The following ATR variants were observed in gnomAD, a reference collection of about 807,000 sequenced individuals.
ATR encodes ATR checkpoint kinase, also known as serine/threonine-protein kinase ATR.
A neutral mutation model predicts 305.3 loss-of-function variants in ATR; 142 were observed. That is an observed-to-expected ratio of 0.47 (90% CI 0.41 to 0.53). The LOEUF (loss-of-function observed/expected upper bound fraction) is 0.53, where lower values mean the gene tolerates loss of function less well. Ranked by LOEUF, ATR falls within the 20% of genes least tolerant of loss-of-function variation. The probability of loss-of-function intolerance (pLI) is 0.00; values close to 1 mark genes in which losing one functional copy is unlikely to be tolerated. For missense variants in ATR, 2,135 were observed against 3,133.1 expected, an observed-to-expected ratio of 0.68 and a Z score of 7.60; for synonymous variants, 1,050 against 1,068.1, an observed-to-expected ratio of 0.98 and a Z score of 0.33.
rs534546574 is a variant in ATR at position 142,515,340 on chromosome 3, T to C, written c.4503+55A>G. 3.7e-6 allele frequency: 6 copies of C among 1,601,712 alleles called. No homozygotes were observed. In the African/African-American group the frequency reaches 8.0e-5, roughly 21 times the overall value. ...TGTGTGCTAGGCATTCAGATAGATG[T>C]TCTGGTTTCCTTTAGAATTTCCATT... is the stretch of plus-strand genomic sequence containing the variant. On this transcript the variant is annotated intron_variant, in intron 25 of 46. Coordinates refer to ENST00000350721, the MANE Select transcript of ATR (RefSeq NM_001184.4).
intron 25 of ATR, among the ~76,000 whole-genome samples, chr3:142,514,475 T>C (rs769273624): frequency 3.4e-5 from 5 of 149,050 alleles, no homozygotes; most frequent in Non-Finnish European, 7.4e-5. Flanking sequence ...ACTAAAAAAA[T>C]ACAAAAAAAT....
chr3:142,529,673 A>T (rs975230965), intron 21 of ATR, among the ~76,000 whole-genome samples: 20 of 152,118 alleles, frequency 1.3e-4, no homozygotes, highest in African/African-American at 4.8e-4. Context: ...CATACATGAT[A>T]CTCTAAGGAC....
At chr3:142,464,774 AG>A (rs1402801212) in intron 41 of ATR, among the ~76,000 whole-genome samples, 3 of 152,204 alleles carry the variant, frequency 2.0e-5, no homozygotes, top group African/African-American at 7.2e-5. Flanking sequence ...AGATGAAAAA[AG>A]TTTTGGAGAG....
At chr3:142,487,111 G>A (rs902663886) in intron 35 of ATR, among the ~76,000 whole-genome samples, 20 of 152,164 alleles carry the variant, frequency 1.3e-4, no homozygotes, top group African/African-American at 4.6e-4. Context: ...CAGCCTGAGC[G>A]ACAGAGCGAG....
intron 23 of ATR, among the ~76,000 whole-genome samples, chr3:142,520,995 G>T (rs2033125685): frequency 6.6e-6 from 1 of 152,086 alleles, no homozygotes; most frequent in African/African-American, 2.4e-5. Flanking sequence ...TAATGCAATT[G>T]GTGACTTTAA....
At chr3:142,494,832 T>C (rs2031491389) in intron 34 of ATR, among the ~76,000 whole-genome samples, 1 of 152,208 alleles carries the variant, frequency 6.6e-6, no homozygotes, top group Admixed American at 6.5e-5. Context: ...AGCAACATGA[T>C]TCGATGTGGA....
rs2071092004 is a variant in ATR, at chr3:142,464,867, G to A, written c.7041+230C>T. Among the ~76,000 whole-genome samples the A allele has an allele frequency of 2.6e-5, 4 of 152,184 alleles. No homozygotes were observed. In the South Asian group the frequency reaches 8.3e-4, roughly 32 times the overall value. Reference sequence around the variant, plus strand: ...TACTTCAAAAACTGTCAAATGTTAAGTTTTATGTATGTACATTTTATCTCA... The same window carrying A: ...TACTTCAAAAACTGTCAAATGTTAAATTTTATGTATGTACATTTTATCTCA... On this transcript the variant is annotated intron_variant, in intron 41 of 46. Transcript: ENST00000350721.
intron 38 of ATR, 122 bp from the exon 39 acceptor site, chr3:142,468,190 T>A: frequency 1.7e-6 from 2 of 1,202,464 alleles, no homozygotes; most frequent in Non-Finnish European, 2.3e-6. Flanking sequence ...TGATACAAAT[T>A]TTCTGAAAAT....
chr3:142,503,122 C>T (rs1255597851), intron 30 of ATR, among the ~76,000 whole-genome samples: 1 of 152,116 alleles, frequency 6.6e-6, no homozygotes, highest in Non-Finnish European at 1.5e-5. Context: ...CCAGTGGGTT[C>T]TAGAAGTTCC....
At chr3:142,525,379 T>C (rs2108402386) in intron 21 of ATR, among the ~76,000 whole-genome samples, 1 of 152,246 alleles carries the variant, frequency 6.6e-6, no homozygotes, top group East Asian at 1.9e-4. Flanking sequence ...AGCTATTTTT[T>C]ACATGTTTTA....
In ATR at chr3:142,569,952, T is replaced by G. The variant is rs1022651393; in HGVS notation, c.60-1798A>C. On this transcript the variant is annotated intron_variant, in intron 1 of 46. Coordinates refer to ENST00000350721, the MANE Select transcript of ATR (RefSeq NM_001184.4). The stretch of plus-strand genomic sequence containing the variant: ...CAGCCAACATGCCCAGCCCCAACTG[T>G]TTTTTTATTAATAGCTATCATAATG... Among the ~76,000 whole-genome samples, 2 of 152,126 alleles carry G rather than the reference T, an allele frequency of 1.3e-5. 1 individual carries two copies. Among genetic ancestry groups the G allele is most frequent in the Non-Finnish European group, 2.9e-5 (2 of 68,024 alleles).
intron 7 of ATR, 23 bp from the exon 8 acceptor site, chr3:142,558,799 A>AT: frequency 3.2e-6 from 5 of 1,584,288 alleles, no homozygotes; most frequent in Non-Finnish European, 4.3e-6. Flanking sequence ...AAAATAAGTC[A>AT]TTAATTATAA....
At chr3:142,468,519 CTAGAAAATA>C (rs2108277187) in intron 38 of ATR, among the ~76,000 whole-genome samples, 1 of 151,960 alleles carries the variant, frequency 6.6e-6, no homozygotes, top group South Asian at 2.1e-4. Context: ...TTAAAATATG[CTAGAAAATA>C]TACAAATAAA....
chr3:142,474,425 A>G (rs1466868143), intron 36 of ATR, among the ~76,000 whole-genome samples: 1 of 152,086 alleles, frequency 6.6e-6, no homozygotes, highest in Non-Finnish European at 1.5e-5. Context: ...AATGTTTTAT[A>G]GTTTTCATTG....
At chr3:142,505,913 A>G (rs1213030353) in intron 28 of ATR, among the ~76,000 whole-genome samples, 1 of 152,184 alleles carries the variant, frequency 6.6e-6, no homozygotes, top group Non-Finnish European at 1.5e-5. Context: ...GAGAAGTGAG[A>G]TAACTTGGAA....
chr3:142,571,519 A>T lies in ATR; in HGVS notation c.60-3365T>A, dbSNP rs569995145. ...AATAAATAAATAAATAATCAAAAGCAAGTATCATGTACACCCAAAGCAGGG... is the reference window on the plus strand; with the variant it reads ...AATAAATAAATAAATAATCAAAAGCTAGTATCATGTACACCCAAAGCAGGG... On this transcript the variant is annotated intron_variant, in intron 1 of 46. Transcript: ENST00000350721. 1.3e-3 allele frequency among the ~76,000 whole-genome samples: 192 copies of T among 151,964 alleles called. 2 individuals carry two copies. Among genetic ancestry groups the T allele is most frequent in the Middle Eastern group, 0.01 (3 of 294 alleles).
rs77656844 is a variant in ATR at position 142,491,350 on chromosome 3, G to A, written c.6078+1782C>T. ...CCAGAACAAGAGAAGCAGCTACTGA[G>A]GCCTTTATGACAGGAAATTAGGGGT... On this transcript the variant is annotated intron_variant, in intron 35 of 46. Coordinates refer to ENST00000350721, the MANE Select transcript of ATR (RefSeq NM_001184.4). Among the ~76,000 whole-genome samples the A allele has an allele frequency of 8.3e-3, 1,262 of 152,238 alleles. 19 individuals are homozygous for A. Among genetic ancestry groups the A allele is most frequent in the African/African-American group, 0.028 (1,157 of 41,540 alleles).
At position 142,513,529 on chromosome 3, in the gene ATR, A is replaced by G; in HGVS notation, c.4613T>C (p.Leu1538Pro). 1.2e-6 allele frequency: 2 copies of G among 1,613,606 alleles called. No homozygotes were observed. Among genetic ancestry groups the G allele is most frequent in the Non-Finnish European group, 1.7e-6 (2 of 1,179,640 alleles). The change falls in exon 26 of 47, where the codon CTG (leucine) becomes CCG (proline). Residue 1538 changes from leucine (L) to proline (P), a missense_variant. By Grantham distance (98) the Leu-to-Pro change is moderately conservative (BLOSUM62 -3). This residue lies in a region of ATR where 202 missense variants were observed against 252.9 expected (regional missense o/e 0.80). Coordinates refer to ENST00000350721, the MANE Select transcript of ATR (RefSeq NM_001184.4). ...CTGCTGATCTTCTTGATTACAACCCAGTAAGACATACACCAGAATATGTGG... is the reference window on the plus strand; with the variant it reads ...CTGCTGATCTTCTTGATTACAACCCGGTAAGACATACACCAGAATATGTGG... ...LLPHILVYVL[L>P]GCNQEDQQEV...
chr3:142,484,890 G>A (rs975228258), intron 36 of ATR, among the ~76,000 whole-genome samples: 3 of 152,170 alleles, frequency 2.0e-5, no homozygotes, highest in East Asian at 1.9e-4. Flanking sequence ...GTTGGTGTGA[G>A]AGCAGAGGAA....
Sources: allele counts gnomAD v4.1 joint callset (sites outside exome capture counted in the v4.1 genomes callset), GRCh38; gene constraint gnomAD v4.1.1; regional missense constraint gnomAD v4.1.1; transcripts MANE v1.5; gene names NCBI Gene and HGNC (gene_info 2026-07-23, HGNC 2026-07-21).